Variants in CTCF observed in about 807,000 individuals in gnomAD.
CTCF encodes transcriptional repressor CTCF.
A neutral mutation model predicts 72.3 loss-of-function variants in CTCF; 7 were observed. The ratio of observed to expected loss-of-function variants is 0.10; its 90% CI spans 0.06 to 0.18. The LOEUF (loss-of-function observed/expected upper bound fraction) is 0.18. Among genes scored for constraint, CTCF ranks in the 10% least tolerant of loss-of-function variants. The pLI, the probability that CTCF is intolerant of heterozygous loss-of-function variation, is 1.00. For missense variants in CTCF, 516 were observed against 949.1 expected, an observed-to-expected ratio of 0.54 and a Z score of 6.00; for synonymous variants, 374 against 315.8, an observed-to-expected ratio of 1.18 and a Z score of -1.95.
rs144613937 is a variant in CTCF at position 67,583,972 on chromosome 16, A to G, written c.-10+12708A>G. ...GTGCATAGCGAAAACTAGGTTTTGG[A>G]GACTTCTGTCTGATTTCTGGGTTAC... On this transcript the variant is annotated intron_variant, in intron 2 of 11. Transcript: ENST00000264010. 9.3e-4 allele frequency among the ~76,000 whole-genome samples: 141 copies of G among 152,218 alleles called. 1 individual carries two copies. The highest frequency in any genetic ancestry group is 2.9e-3 in the African/African-American group (121 of 41,542).
At chr16:67,628,263 G>T in intron 8 of CTCF, 107 bp from the exon 9 acceptor site, 1 of 961,456 alleles carries the variant, frequency 1.0e-6, no homozygotes, top group Non-Finnish European at 1.6e-6. Flanking sequence ...GTGGAGTCTA[G>T]ACCTAGCTTG....
At chr16:67,588,327 A>G (rs1048855880) in intron 2 of CTCF, among the ~76,000 whole-genome samples, 2 of 152,196 alleles carry the variant, frequency 1.3e-5, no homozygotes, top group South Asian at 2.1e-4. Context: ...TAGACTTGCT[A>G]TAGATTCTCA....
chr16:67,567,061 C>G (rs768842138), intron 1 of CTCF, among the ~76,000 whole-genome samples: 1 of 151,792 alleles, frequency 6.6e-6, no homozygotes, highest in Non-Finnish European at 1.5e-5. Context: ...AGGCTGGTCT[C>G]AAACTCGTGG....
At chr16:67,626,781 A>G (rs748408406) in intron 8 of CTCF, 66 bp downstream of exon 8, 13 of 1,199,692 alleles carry the variant, frequency 1.1e-5, no homozygotes, top group African/African-American at 4.7e-5. Flanking sequence ...GGGCATTTAC[A>G]TATCTAGTAC....
chr16:67,595,201 C>G (rs938196806), intron 2 of CTCF, among the ~76,000 whole-genome samples: 2 of 152,190 alleles, frequency 1.3e-5, no homozygotes, highest in African/African-American at 4.8e-5. Flanking sequence ...GCTGTTCTGT[C>G]TCTTCCTACC....
In CTCF at chr16:67,638,331, C is replaced by T. The variant is rs2052461052; in HGVS notation, c.*459C>T. On this transcript the variant is annotated 3_prime_UTR_variant, in exon 12 of 12. Coordinates refer to ENST00000264010, the MANE Select transcript of CTCF (RefSeq NM_006565.4). The stretch of plus-strand genomic sequence containing the variant: ...TTCCCTGACTCCCTTTGCTTGGAGT[C>T]AGCTGCACACCAGTAGTATGGCATG... The T allele has an allele frequency of 4.4e-6, 1 of 228,766 alleles. No individual in the cohort carries two copies. The highest frequency in any genetic ancestry group is 2.2e-5 in the African/African-American group (1 of 44,892). The allele number at this position is 228,766 out of a possible 1,614,324, so 14.2% of individuals were successfully genotyped here. A position where few individuals can be genotyped will look rare whatever the true frequency, so the allele number is the denominator to read the frequency against.
chr16:67,613,772 C>T (rs1414976209), intron 4 of CTCF, among the ~76,000 whole-genome samples: 1 of 152,098 alleles, frequency 6.6e-6, no homozygotes, highest in Non-Finnish European at 1.5e-5. Flanking sequence ...CAAGACTCTG[C>T]CTCACCAAAA....
chr16:67,573,922 T>C (rs903779999), intron 2 of CTCF, among the ~76,000 whole-genome samples: 1 of 151,640 alleles, frequency 6.6e-6, no homozygotes, highest in Admixed American at 6.6e-5. Context: ...TTCCAGTTAC[T>C]GGGGAGGCTG....
intron 2 of CTCF, among the ~76,000 whole-genome samples, chr16:67,585,345 C>T (rs752654977): frequency 5.3e-5 from 8 of 152,232 alleles, no homozygotes; most frequent in Middle Eastern, 3.4e-3. Flanking sequence ...CCACCGTGCC[C>T]GTCTTACACA....
At chr16:67,600,231 ATTTTT>A (rs966319034) in intron 2 of CTCF, among the ~76,000 whole-genome samples, 1 of 151,122 alleles carries the variant, frequency 6.6e-6, no homozygotes, top group Non-Finnish European at 1.5e-5. Flanking sequence ...TAAATTTATT[ATTTTT>A]TTTATTTTTT....
At chr16:67,579,292 A>G (rs1310117789) in intron 2 of CTCF, among the ~76,000 whole-genome samples, 18 of 151,906 alleles carry the variant, frequency 1.2e-4, no homozygotes, top group Non-Finnish European at 2.5e-4. Flanking sequence ...AAAATAAAGC[A>G]CAAATAGTAG....
At chr16:67,612,248 T>A (rs1436861460) in intron 4 of CTCF, 127 bp downstream of exon 4, 2 of 817,238 alleles carry the variant, frequency 2.4e-6, no homozygotes, top group South Asian at 4.1e-5. Flanking sequence ...GCCCTTTTTG[T>A]AATCATGATT....
At chr16:67,575,749 G>C (rs566875784) in intron 2 of CTCF, among the ~76,000 whole-genome samples, 1 of 151,952 alleles carries the variant, frequency 6.6e-6, no homozygotes, top group Non-Finnish European at 1.5e-5. Flanking sequence ...AGCCAAGTTG[G>C]TTATTGTATA....
At chr16:67,629,746 CTTTTTTTTTTTTTTTTT>C (rs71145978) in intron 10 of CTCF, among the ~76,000 whole-genome samples, 9 of 63,352 alleles carry the variant, frequency 1.4e-4, no homozygotes, top group Admixed American at 4.6e-4. Flanking sequence ...CATTAATGCC[CTTTTTTTTTTTTTTTTT>C]TTTTTTTTTT....
chr16:67,568,925 C>T (rs1302352141), intron 1 of CTCF, among the ~76,000 whole-genome samples: 1 of 151,746 alleles, frequency 6.6e-6, no homozygotes, highest in Admixed American at 6.6e-5. Context: ...GAAACCTCTG[C>T]TTCCTGGGTT....
intron 5 of CTCF, 149 bp from the exon 6 acceptor site, chr16:67,620,548 C>T (rs1485651826): frequency 1.7e-6 from 1 of 584,550 alleles, no homozygotes; most frequent in African/African-American, 1.9e-5. Context: ...GCAAAGTTTA[C>T]AAATAATGAA....
At position 67,632,389 on chromosome 16, in the gene CTCF, G is replaced by A. The variant is rs116394898; in HGVS notation, c.1837+2856G>A. Among the ~76,000 whole-genome samples, 1,227 of 152,268 alleles carry A rather than the reference G, an allele frequency of 8.1e-3. 21 individuals carry two copies. Among genetic ancestry groups the A allele is most frequent in the African/African-American group, 0.028 (1,157 of 41,546 alleles). ...ATAGATTTCTACAGTTCTGTGTTCT[G>A]TCTGCTGCTGGTTAGTAGAGCATGG... On this transcript the variant is annotated intron_variant, in intron 10 of 11. Coordinates refer to ENST00000264010, the MANE Select transcript of CTCF (RefSeq NM_006565.4).
At chr16:67,618,017 T>G (rs1031938086) in intron 5 of CTCF, among the ~76,000 whole-genome samples, 1 of 152,212 alleles carries the variant, frequency 6.6e-6, no homozygotes, top group African/African-American at 2.4e-5. Flanking sequence ...AAAACCATAT[T>G]ATTTCTGTAG....
chr16:67,582,521 G>C (rs1458461309), intron 2 of CTCF, among the ~76,000 whole-genome samples: 1 of 151,796 alleles, frequency 6.6e-6, no homozygotes, highest in Non-Finnish European at 1.5e-5. Context: ...GATGAAACTC[G>C]GTCTCTACTA....
Sources: gnomAD v4.1 joint callset for allele counts (sites outside exome capture counted in the v4.1 genomes callset) on GRCh38, gnomAD v4.1.1 for gene constraint, MANE v1.5 for transcripts, NCBI Gene and HGNC (gene_info 2026-07-23, HGNC 2026-07-21) for gene names.